The following TMEM232 variants were observed in gnomAD, a reference collection of about 807,000 sequenced individuals.
The protein encoded by TMEM232 is transmembrane protein 232.
In TMEM232, 80 loss-of-function variants were observed where a neutral mutation model predicts 78.8. That is an observed-to-expected ratio of 1.01 (90% CI 0.85 to 1.22). The LOEUF is 1.22. TMEM232 is among the 50% of genes most tolerant of loss of function. TMEM232 has a pLI of 0.00. For missense variants in TMEM232, 881 were observed against 742.2 expected (o/e 1.19, Z -2.17); for synonymous variants, 297 against 254.3 (o/e 1.17, Z -1.60).
chr5:110,423,475 T>G (rs1756894460), intron 13 of TMEM232, among the ~76,000 whole-genome samples: 1 of 152,120 alleles, frequency 6.6e-6, no homozygotes, highest in East Asian at 1.9e-4. Context: ...AATATAATAT[T>G]TAGAGACAAT....
intron 1 of TMEM232, among the ~76,000 whole-genome samples, chr5:110,684,096 A>C (rs2150193345): frequency 6.6e-6 from 1 of 152,120 alleles, no homozygotes; most frequent in East Asian, 1.9e-4. Flanking sequence ...GAAAAACTAA[A>C]ACAAACATGA....
intron 12 of TMEM232, among the ~76,000 whole-genome samples, chr5:110,480,852 G>A (rs943457458): frequency 3.3e-5 from 5 of 152,012 alleles, no homozygotes; most frequent in African/African-American, 1.2e-4. Flanking sequence ...TTCCATGATA[G>A]CATATACACT....
chr5:110,436,213 GT>G (rs1010799928), intron 12 of TMEM232, among the ~76,000 whole-genome samples: 3 of 151,972 alleles, frequency 2.0e-5, no homozygotes, highest in Non-Finnish European at 2.9e-5. Context: ...GATTAATGGT[GT>G]TGATCACCTT....
intron 10 of TMEM232, among the ~76,000 whole-genome samples, chr5:110,587,691 ATGTG>A (rs147127408): frequency 0.012 from 753 of 62,936 alleles, 4 homozygotes; most frequent in East Asian, 0.039. Flanking sequence ...ATATATATAT[ATGTG>A]TGTGTGTGTG....
chr5:110,537,187 A>T (rs1176953784), intron 11 of TMEM232, among the ~76,000 whole-genome samples: 1 of 152,004 alleles, frequency 6.6e-6, no homozygotes. Context: ...TCCACTATGG[A>T]CAACCCTCCA....
At chr5:110,516,858 G>T (rs939297711) in intron 12 of TMEM232, among the ~76,000 whole-genome samples, 2 of 152,222 alleles carry the variant, frequency 1.3e-5, no homozygotes, top group South Asian at 2.1e-4. Context: ...AAAAAATTAT[G>T]GGTCATAAGA....
chr5:110,671,984 G>T (rs1300659933), intron 1 of TMEM232, among the ~76,000 whole-genome samples: 1 of 151,904 alleles, frequency 6.6e-6, no homozygotes, highest in African/African-American at 2.4e-5. Flanking sequence ...AGATAAATTA[G>T]CTTAAAGCAT....
At chr5:110,458,686 G>GTGTT (rs1761158619) in intron 12 of TMEM232, among the ~76,000 whole-genome samples, 1 of 151,938 alleles carries the variant, frequency 6.6e-6, no homozygotes, top group African/African-American at 2.4e-5. Flanking sequence ...TTATTTTATG[G>GTGTT]TGTTTATATA....
chr5:110,475,878 T>A (rs1763200840), intron 12 of TMEM232, among the ~76,000 whole-genome samples: 1 of 151,934 alleles, frequency 6.6e-6, no homozygotes, highest in African/African-American at 2.4e-5. Context: ...AAAATCAATT[T>A]CTAACCAAAG....
chr5:110,474,973 A>C (rs1293336838), intron 12 of TMEM232, among the ~76,000 whole-genome samples: 1 of 151,978 alleles, frequency 6.6e-6, no homozygotes, highest in African/African-American at 2.4e-5. Flanking sequence ...TATTTTTCCC[A>C]AATTAGTTCC....
chr5:110,553,767 A>C (rs946641916), intron 11 of TMEM232, among the ~76,000 whole-genome samples: 3 of 152,134 alleles, frequency 2.0e-5, no homozygotes, highest in Non-Finnish European at 4.4e-5. Flanking sequence ...GCATAGCAGT[A>C]GTGACAGTGG....
chr5:110,633,219 T>C (rs1785366701), intron 5 of TMEM232, among the ~76,000 whole-genome samples: 1 of 152,114 alleles, frequency 6.6e-6, no homozygotes, highest in African/African-American at 2.4e-5. Context: ...AGACTAGGCT[T>C]ACAAAAAATG....
At chr5:110,562,028 A>G (rs1404856725) in intron 11 of TMEM232, among the ~76,000 whole-genome samples, 2 of 152,130 alleles carry the variant, frequency 1.3e-5, no homozygotes, top group Non-Finnish European at 2.9e-5. Context: ...GGTCGTACAG[A>G]GCACTGAATA....
At position 110,420,683 on chromosome 5, in the gene TMEM232, A is replaced by G; in HGVS notation, c.1871T>C (p.Leu624Ser). The part of the protein sequence containing the change: ...CKAQELKDKK[L>S]AEKNHFQEVM... Reference sequence around the variant, plus strand: ...TTCTTGAAAGTGATTTTTCTCTGCTAACTTTTTATCTTTAAGTTCTTGGGC... The same window carrying G: ...TTCTTGAAAGTGATTTTTCTCTGCTGACTTTTTATCTTTAAGTTCTTGGGC... Residue 624 changes from leucine to serine, a missense_variant, in exon 14 of 14, where the codon TTA (leucine) becomes TCA (serine). Leu to Ser is a moderately radical substitution (Grantham distance 145). Coordinates refer to ENST00000455884, the MANE Select transcript of TMEM232 (RefSeq NM_001039763.4). 6.6e-7 allele frequency: 1 copy of G among 1,526,638 alleles called. No individual in the cohort carries two copies. Among genetic ancestry groups the G allele is most frequent in the Non-Finnish European group, 8.7e-7 (1 of 1,143,988 alleles). The allele number at this position is 1,526,638 out of a possible 1,614,324, so 94.6% of individuals were successfully genotyped here.
In TMEM232 at chr5:110,625,537, T is replaced by C. The variant is rs1784319112; in HGVS notation, c.602-104A>G. The C allele has an allele frequency of 2.9e-5, 30 of 1,023,138 alleles. No individual in the cohort carries two copies. In the South Asian group the frequency reaches 6.3e-4, roughly 21 times the overall value. The allele number at this position is 1,023,138 out of a possible 1,614,324, so 63.4% of individuals were successfully genotyped here. On this transcript the variant is annotated intron_variant, in intron 6 of 13. Coordinates refer to ENST00000455884, the MANE Select transcript of TMEM232 (RefSeq NM_001039763.4). Reference sequence around the variant, plus strand: ...ACTATAATTAAATTCAGTACTTAGATGCAGAAACTGCTAGTTTCCTATTTA... The same window carrying C: ...ACTATAATTAAATTCAGTACTTAGACGCAGAAACTGCTAGTTTCCTATTTA...
At chr5:110,566,842 T>C (rs1409133687) in intron 11 of TMEM232, among the ~76,000 whole-genome samples, 2 of 151,872 alleles carry the variant, frequency 1.3e-5, no homozygotes, top group African/African-American at 4.8e-5. Context: ...ATTTACTGTA[T>C]CAGTCCATTT....
intron 12 of TMEM232, among the ~76,000 whole-genome samples, chr5:110,442,496 A>G (rs1323102506): frequency 6.6e-6 from 1 of 151,968 alleles, no homozygotes; most frequent in Non-Finnish European, 1.5e-5. Context: ...TTTTTGTTAA[A>G]CTTATCTGAT....
chr5:110,524,858 C>A (rs1393354775), intron 12 of TMEM232, among the ~76,000 whole-genome samples: 2 of 151,864 alleles, frequency 1.3e-5, no homozygotes, highest in Admixed American at 1.3e-4. Context: ...ATTGTTATAT[C>A]TTTCTAGTTA....
chr5:110,728,631 C>T (rs903562162), upstream of TMEM232, among the ~76,000 whole-genome samples: 1 of 150,684 alleles, frequency 6.6e-6, no homozygotes, highest in Non-Finnish European at 1.5e-5. Flanking sequence ...AAAGTCATAC[C>T]TCCCCTTTCT....
Sources: allele counts gnomAD v4.1 joint callset (sites outside exome capture counted in the v4.1 genomes callset), GRCh38; gene constraint gnomAD v4.1.1; transcripts MANE v1.5; gene names NCBI Gene and HGNC (gene_info 2026-07-23, HGNC 2026-07-21).